Variants in IQGAP2 observed in about 807,000 individuals in gnomAD.
IQGAP2 encodes the protein ras GTPase-activating-like protein IQGAP2.
A neutral mutation model predicts 201.3 loss-of-function variants in IQGAP2; 173 were observed. The observed-to-expected ratio is 0.86, with a 90% CI of 0.76 to 0.98. The LOEUF is 0.98. IQGAP2 is among the 50% of genes least tolerant of loss of function. The pLI, the probability that IQGAP2 is intolerant of heterozygous loss-of-function variation, is 0.00. For missense variants in IQGAP2, 1,687 were observed against 1,864.8 expected, an observed-to-expected ratio of 0.90 and a Z score of 1.76; for synonymous variants, 675 against 673.9, an observed-to-expected ratio of 1.00 and a Z score of -0.03.
intron 4 of IQGAP2, among the ~76,000 whole-genome samples, chr5:76,574,679 C>T (rs1044620942): frequency 3.9e-5 from 6 of 152,240 alleles, no homozygotes; most frequent in African/African-American, 1.4e-4. Context: ...CAAACCTTCA[C>T]ATGTACCCCA....
At chr5:76,585,446 A>G (rs367918987) in intron 5 of IQGAP2, among the ~76,000 whole-genome samples, 83 of 152,280 alleles carry the variant, frequency 5.5e-4, no homozygotes, top group African/African-American at 1.9e-3. Context: ...GTAGTATGAA[A>G]GAAATTGAAG....
intron 1 of IQGAP2, 79 bp from the exon 2 acceptor site, chr5:76,461,491 A>G: frequency 1.1e-6 from 1 of 936,192 alleles, no homozygotes; most frequent in Non-Finnish European, 1.7e-6. Context: ...GCTGCATATG[A>G]TTTTTTTCTG....
rs1747796468 is a variant in IQGAP2, at chr5:76,606,272, G to T, written c.1326G>T (p.Met442Ile). 1 of 1,599,794 alleles carries T rather than the reference G, an allele frequency of 6.3e-7. No homozygotes were observed. Among genetic ancestry groups the T allele is most frequent in the South Asian group, 1.1e-5 (1 of 87,560 alleles). ...SWNEIQNCID[M>I]VNAQIQEEND... is the part of the protein sequence containing the mutation. ...ATGAAATTCAGAATTGTATTGATAT[G>T]GTTAATGCTCAAATTCAAGAAGAAA... The change falls in exon 12 of 36, where the codon ATG (methionine) becomes ATT (isoleucine). Residue 442 changes from methionine (M) to isoleucine (I), a missense_variant. By Grantham distance (10) the Met-to-Ile change is conservative. Coordinates refer to ENST00000274364, the MANE Select transcript of IQGAP2 (RefSeq NM_006633.5).
At chr5:76,702,292 T>C (rs528417782) in intron 34 of IQGAP2, among the ~76,000 whole-genome samples, 190 bp from the exon 35 acceptor site, 1 of 152,298 alleles carries the variant, frequency 6.6e-6, no homozygotes, top group African/African-American at 2.4e-5. Context: ...ATCTCAACAA[T>C]AGCCATCAAA....
intron 2 of IQGAP2, among the ~76,000 whole-genome samples, chr5:76,484,374 G>A (rs1419380314): frequency 6.6e-6 from 1 of 152,068 alleles, no homozygotes; most frequent in African/African-American, 2.4e-5. Flanking sequence ...GGTGGGGAGG[G>A]CTGTCTTAGT....
intron 2 of IQGAP2, among the ~76,000 whole-genome samples, chr5:76,483,662 G>T (rs1399152290): frequency 1.3e-5 from 2 of 152,150 alleles, no homozygotes; most frequent in East Asian, 3.8e-4. Flanking sequence ...GCAGTAGGAC[G>T]GCACCTCTCC....
chr5:76,515,872 CTTTTTTTT>C (rs71604295), intron 2 of IQGAP2, among the ~76,000 whole-genome samples: 10 of 102,762 alleles, frequency 9.7e-5, no homozygotes, highest in African/African-American at 4.0e-4. Context: ...AGGGGGTGAT[CTTTTTTTT>C]TTTTTTTTTT....
chr5:76,691,062 T>A (rs1182501765), intron 30 of IQGAP2, among the ~76,000 whole-genome samples: 1 of 152,048 alleles, frequency 6.6e-6, no homozygotes, highest in Non-Finnish European at 1.5e-5. Context: ...GCAACAAGAG[T>A]CCAAGCCAAG....
chr5:76,693,337 T>G lies in IQGAP2; in HGVS notation c.3906-18T>G. 2.5e-6 allele frequency: 4 copies of G among 1,592,242 alleles called. No homozygotes were observed. Among genetic ancestry groups the G allele is most frequent in the Non-Finnish European group, 3.4e-6 (4 of 1,163,522 alleles). On this transcript the variant is annotated intron_variant, in intron 30 of 35. Transcript: ENST00000274364. ...GGACTACAGTCTGAAAGTCTGTCTC[T>G]TTCTCTGGTTTGTTAAGGACCAAGA... is the stretch of plus-strand genomic sequence containing the variant.
intron 1 of IQGAP2, among the ~76,000 whole-genome samples, chr5:76,444,113 C>T (rs912882380): frequency 3.9e-5 from 6 of 151,996 alleles, no homozygotes; most frequent in Admixed American, 2.0e-4. Context: ...AGGCTGGGTG[C>T]GATGGCTTAT....
rs369513966 is a variant in IQGAP2 at position 76,553,501 on chromosome 5, C to T, written c.147-8895C>T. ...TAGTTGGTGATTTCCTGAGTAACAA[C>T]TCAGATAGCAAATGCCTCCACAAAA... On this transcript the variant is annotated intron_variant, in intron 2 of 35. Transcript: ENST00000274364. Among the ~76,000 whole-genome samples the T allele has an allele frequency of 5.3e-5, 8 of 152,314 alleles. No homozygotes were observed. In the East Asian group the frequency reaches 7.7e-4, roughly 15 times the overall value.
intron 1 of IQGAP2, among the ~76,000 whole-genome samples, chr5:76,452,798 C>G (rs977856037): frequency 2.1e-4 from 32 of 151,936 alleles, no homozygotes; most frequent in African/African-American, 7.7e-4. Context: ...AATCCCAATT[C>G]TGCCATTTAC....
chr5:76,469,762 G>A (rs757445389), intron 2 of IQGAP2, among the ~76,000 whole-genome samples: 1 of 151,470 alleles, frequency 6.6e-6, no homozygotes, highest in Non-Finnish European at 1.5e-5. Context: ...TTTTTTTAGG[G>A]CCAAAAAGAA....
At chr5:76,614,126 ACT>A (rs1748677012) in intron 13 of IQGAP2, among the ~76,000 whole-genome samples, 1 of 151,502 alleles carries the variant, frequency 6.6e-6, no homozygotes. Flanking sequence ...GGTGAGCCTG[ACT>A]CCACAAACCC....
At chr5:76,524,623 A>G (rs1013564368) in intron 2 of IQGAP2, among the ~76,000 whole-genome samples, 7 of 152,232 alleles carry the variant, frequency 4.6e-5, no homozygotes, top group South Asian at 4.1e-4. Flanking sequence ...ATCAAAAAAC[A>G]TAAGAGTTGA....
Position 76,461,669 on chromosome 5 carries a change from G to A in IQGAP2, c.146G>A (p.Arg49Lys). The A allele has an allele frequency of 1.9e-6, 3 of 1,606,586 alleles. No individual in the cohort carries two copies. The highest frequency in any genetic ancestry group is 2.6e-6 in the Non-Finnish European group (3 of 1,173,142). ...EYLCHLEEAK[R>K]WMEVCLVEEL... ...CTGTGCCACTTAGAGGAAGCCAAAA[G>A]GTAAGATCCAGACTTAGTCTATTTG... Residue 49 changes from arginine (R) to lysine (K), a missense_variant and splice_region_variant, in exon 2 of 36, where the codon AGG becomes AAG. Physicochemically the swap from Arg to Lys is conservative, Grantham distance 26. Coordinates refer to ENST00000274364, the MANE Select transcript of IQGAP2 (RefSeq NM_006633.5).
intron 17 of IQGAP2, among the ~76,000 whole-genome samples, chr5:76,649,473 C>A (rs1273073131): frequency 6.6e-6 from 1 of 152,184 alleles, no homozygotes; most frequent in Admixed American, 6.5e-5. Flanking sequence ...AATTTCGGAA[C>A]ATCAGAAGGG....
In IQGAP2 at chr5:76,590,391, C is replaced by G; in HGVS notation, c.641-17C>G. The G allele has an allele frequency of 6.4e-7, 1 of 1,569,134 alleles. No homozygotes were observed. Among genetic ancestry groups the G allele is most frequent in the Non-Finnish European group, 8.6e-7 (1 of 1,157,162 alleles). On this transcript the variant is annotated splice_polypyrimidine_tract_variant and intron_variant, in intron 7 of 35. Coordinates refer to ENST00000274364, the MANE Select transcript of IQGAP2 (RefSeq NM_006633.5). Reference sequence around the variant, plus strand: ...TGCTGATAAAAACCTTTTTCTCTCTCTCTCTTTACTTTTTAGTACATGCTG... The same window carrying G: ...TGCTGATAAAAACCTTTTTCTCTCTGTCTCTTTACTTTTTAGTACATGCTG...
chr5:76,513,289 T>C (rs1580358613), intron 2 of IQGAP2, among the ~76,000 whole-genome samples: 1 of 152,138 alleles, frequency 6.6e-6, no homozygotes, highest in East Asian at 1.9e-4. Context: ...TTCCCCAAAA[T>C]ACATTTTTAA....
Sources: gnomAD v4.1 joint callset for allele counts (sites outside exome capture counted in the v4.1 genomes callset) on GRCh38, gnomAD v4.1.1 for gene constraint, MANE v1.5 for transcripts, NCBI Gene and HGNC (gene_info 2026-07-23, HGNC 2026-07-21) for gene names.